MARCHF1: variants seen among roughly 807,000 people sequenced by gnomAD.
MARCHF1 encodes the protein membrane associated ring-CH-type finger 1.
In MARCHF1, 40 loss-of-function variants were observed where a neutral mutation model predicts 54.2. That is an observed-to-expected ratio of 0.74 (90% CI 0.57 to 0.96). MARCHF1 has a LOEUF of 0.96. MARCHF1 is among the 40% of genes least tolerant of loss of function. MARCHF1 has a pLI of 0.00. For missense variants in MARCHF1, 586 were observed against 656.5 expected, an observed-to-expected ratio of 0.89 and a Z score of 1.17; for synonymous variants, 236 against 236.3, an observed-to-expected ratio of 1.00 and a Z score of 0.01.
At chr4:163,751,151 G>A in intron 4 of MARCHF1, among the ~76,000 whole-genome samples, 1 of 151,576 alleles carries the variant, frequency 6.6e-6, no homozygotes, top group Admixed American at 6.6e-5. Flanking sequence ...GTGTGTGTGT[G>A]TGTGTGTGTG....
intron 7 of MARCHF1, among the ~76,000 whole-genome samples, chr4:163,591,990 T>C (rs1197284727): frequency 1.3e-5 from 2 of 152,104 alleles, no homozygotes; most frequent in Admixed American, 6.6e-5. Context: ...GCTACTCTTA[T>C]TGACATGGAG....
intron 2 of MARCHF1, among the ~76,000 whole-genome samples, chr4:164,108,239 CA>C (rs1755751029): frequency 6.6e-6 from 1 of 152,078 alleles, no homozygotes. Context: ...ATGAGGATTT[CA>C]ATACCTTTAA....
At chr4:164,278,958 A>G (rs1251486041) in intron 1 of MARCHF1, among the ~76,000 whole-genome samples, 1 of 152,166 alleles carries the variant, frequency 6.6e-6, no homozygotes, top group South Asian at 2.1e-4. Context: ...ATGCCTATAC[A>G]TATACACACA....
At chr4:163,664,086 A>C (rs1367285829) in intron 5 of MARCHF1, among the ~76,000 whole-genome samples, 2 of 152,146 alleles carry the variant, frequency 1.3e-5, no homozygotes, top group African/African-American at 4.8e-5. Flanking sequence ...AGGCAATGGA[A>C]TCTAAAGGCA....
intron 4 of MARCHF1, among the ~76,000 whole-genome samples, chr4:163,783,435 C>A: frequency 6.6e-6 from 1 of 152,154 alleles, no homozygotes; most frequent in South Asian, 2.1e-4. Context: ...GCTTCCAGAA[C>A]CATACCACAA....
intron 1 of MARCHF1, among the ~76,000 whole-genome samples, chr4:164,223,244 GA>G (rs1275039136): frequency 1.3e-5 from 2 of 151,918 alleles, no homozygotes; most frequent in Admixed American, 1.3e-4. Flanking sequence ...TTGTAGAGTT[GA>G]ACCAATAATG....
At chr4:163,530,945 T>C (rs1251742050) in intron 9 of MARCHF1, among the ~76,000 whole-genome samples, 1 of 151,900 alleles carries the variant, frequency 6.6e-6, no homozygotes, top group Non-Finnish European at 1.5e-5. Flanking sequence ...GTGTAATTAA[T>C]AGGCAGATAA....
chr4:163,989,985 C>T (rs1477953512), intron 2 of MARCHF1, among the ~76,000 whole-genome samples: 1 of 152,158 alleles, frequency 6.6e-6, no homozygotes, highest in Non-Finnish European at 1.5e-5. Flanking sequence ...TCATCTCTAC[C>T]TGTCTTTGTA....
At chr4:163,756,302 G>C (rs1746664585) in intron 4 of MARCHF1, among the ~76,000 whole-genome samples, 1 of 152,074 alleles carries the variant, frequency 6.6e-6, no homozygotes, top group African/African-American at 2.4e-5. Context: ...CCAGTATAGA[G>C]AGATCATGGG....
At chr4:163,945,311 A>T (rs1752002300) in intron 3 of MARCHF1, among the ~76,000 whole-genome samples, 1 of 152,190 alleles carries the variant, frequency 6.6e-6, no homozygotes, top group Non-Finnish European at 1.5e-5. Context: ...TAGACGAGTC[A>T]ATACTACAAG....
At chr4:164,001,659 T>G (rs1412235451) in intron 2 of MARCHF1, among the ~76,000 whole-genome samples, 1 of 151,902 alleles carries the variant, frequency 6.6e-6, no homozygotes, top group Non-Finnish European at 1.5e-5. Flanking sequence ...ATTACTTGAC[T>G]TGTTGTAGAG....
At chr4:163,571,348 T>C (rs1241131155) in intron 8 of MARCHF1, among the ~76,000 whole-genome samples, 2 of 152,150 alleles carry the variant, frequency 1.3e-5, no homozygotes, top group African/African-American at 4.8e-5. Context: ...ATTCTGGTCT[T>C]GTCCACTACT....
At chr4:163,536,978 C>G (rs574544637) in intron 9 of MARCHF1, among the ~76,000 whole-genome samples, 1 of 152,262 alleles carries the variant, frequency 6.6e-6, no homozygotes, top group East Asian at 1.9e-4. Flanking sequence ...AACTTACTGT[C>G]CAAATGACCA....
intron 5 of MARCHF1, among the ~76,000 whole-genome samples, chr4:163,692,545 A>G (rs1272643364): frequency 1.3e-5 from 2 of 152,170 alleles, no homozygotes; most frequent in Non-Finnish European, 2.9e-5. Flanking sequence ...AGGAAGAATG[A>G]GAAGAAAATT....
At chr4:164,244,094 G>T (rs1732864412) in intron 1 of MARCHF1, among the ~76,000 whole-genome samples, 1 of 151,990 alleles carries the variant, frequency 6.6e-6, no homozygotes, top group Non-Finnish European at 1.5e-5. Flanking sequence ...ACTCAGCTCT[G>T]CACCAAGCGG....
At chr4:163,845,128 G>C (rs1749447663) in intron 4 of MARCHF1, among the ~76,000 whole-genome samples, 1 of 151,822 alleles carries the variant, frequency 6.6e-6, no homozygotes, top group African/African-American at 2.4e-5. Context: ...CAAAATCTTT[G>C]GCTTGGAAAA....
At chr4:163,959,432 A>C (rs1752300260) in intron 3 of MARCHF1, among the ~76,000 whole-genome samples, 1 of 152,072 alleles carries the variant, frequency 6.6e-6, no homozygotes, top group Non-Finnish European at 1.5e-5. Flanking sequence ...GGGCTACAGT[A>C]ACCAAGACAG....
At chr4:163,879,462 G>T (rs1750366284) in intron 3 of MARCHF1, among the ~76,000 whole-genome samples, 1 of 152,122 alleles carries the variant, frequency 6.6e-6, no homozygotes, top group Admixed American at 6.6e-5. Context: ...TATAAACAAA[G>T]AAGGAGGCCT....
intron 7 of MARCHF1, among the ~76,000 whole-genome samples, chr4:163,603,170 T>G (rs1328500661): frequency 3.9e-5 from 6 of 152,134 alleles, no homozygotes; most frequent in Non-Finnish European, 7.4e-5. Flanking sequence ...AGTGTAATTT[T>G]TTTTTCTCTA....
Sources: allele counts gnomAD v4.1 joint callset (sites outside exome capture counted in the v4.1 genomes callset), GRCh38; gene constraint gnomAD v4.1.1; transcripts MANE v1.5; gene names NCBI Gene and HGNC (gene_info 2026-07-23, HGNC 2026-07-21).